KDM2B: variants seen among roughly 807,000 people sequenced by gnomAD.
The protein encoded by KDM2B is lysine demethylase 2B, also known as lysine-specific demethylase 2B.
In KDM2B, 26 loss-of-function variants were observed where a neutral mutation model predicts 150.0. The ratio of observed to expected loss-of-function variants is 0.17; its 90% CI spans 0.13 to 0.24. The LOEUF (loss-of-function observed/expected upper bound fraction) is 0.24, where lower values mean the gene tolerates loss of function less well. KDM2B is among the 10% of genes least tolerant of loss of function. The pLI is 1.00. For missense variants in KDM2B, 1,265 were observed against 1,816.9 expected (o/e 0.70, Z 5.52); for synonymous variants, 734 against 729.5 (o/e 1.01, Z -0.10).
intron 4 of KDM2B, among the ~76,000 whole-genome samples, chr12:121,566,596 G>C (rs1388554896): frequency 6.6e-6 from 1 of 151,926 alleles, no homozygotes; most frequent in African/African-American, 2.4e-5. Context: ...ACTCCAGCCC[G>C]GGCGACAAGC....
intron 11 of KDM2B, among the ~76,000 whole-genome samples, chr12:121,502,703 C>T (rs56205591): frequency 0.072 from 9,957 of 138,146 alleles, 367 homozygotes; most frequent in Middle Eastern, 0.12. Context: ...AGATGGATTG[C>T]TTGAGCCAAG....
chr12:121,473,733 A>AAG (rs1555296270), intron 12 of KDM2B, among the ~76,000 whole-genome samples: 4,501 of 149,790 alleles, frequency 0.03, 129 homozygotes, highest in East Asian at 0.12. Flanking sequence ...AAAAAAAAAA[A>AAG]AGAGAGAGAG....
chr12:121,433,158 G>A (rs1288256744), intron 22 of KDM2B: 1 of 456,560 alleles, frequency 2.2e-6, no homozygotes, highest in Non-Finnish European at 4.4e-6. Flanking sequence ...CTGGCTTGTG[G>A]TTCACATATT....
intron 12 of KDM2B, among the ~76,000 whole-genome samples, chr12:121,473,984 G>C (rs1555296316): frequency 6.6e-6 from 1 of 152,116 alleles, no homozygotes; most frequent in Non-Finnish European, 1.5e-5. Context: ...AGACACAAAA[G>C]TCCACATATT....
At chr12:121,446,264 G>A (rs887704149) in intron 13 of KDM2B, among the ~76,000 whole-genome samples, 2 of 152,118 alleles carry the variant, frequency 1.3e-5, no homozygotes, top group South Asian at 4.1e-4. Flanking sequence ...CGGGCGTGGT[G>A]GCGGGCGCCT....
At chr12:121,550,701 T>G (rs2142030003) in intron 4 of KDM2B, among the ~76,000 whole-genome samples, 1 of 151,862 alleles carries the variant, frequency 6.6e-6, no homozygotes, top group African/African-American at 2.4e-5. Context: ...GCCATGTTGG[T>G]CAGGCTGGTC....
intron 4 of KDM2B, among the ~76,000 whole-genome samples, chr12:121,554,857 C>G (rs28373517): frequency 0.63 from 95,234 of 152,110 alleles, 32,113 homozygotes; most frequent in African/African-American, 0.89. Flanking sequence ...AGAACATCTG[C>G]ATCTGGGATT....
At chr12:121,482,425 C>T (rs1593902069) in intron 12 of KDM2B, among the ~76,000 whole-genome samples, 1 of 152,224 alleles carries the variant, frequency 6.6e-6, no homozygotes, top group East Asian at 1.9e-4. Context: ...GCCTCAGCCT[C>T]CTGGGTAGCT....
At chr12:121,580,703 C>A in intron 1 of KDM2B, 83 bp downstream of exon 1, 2 of 1,463,306 alleles carry the variant, frequency 1.4e-6, no homozygotes, top group South Asian at 1.5e-5. Context: ...CCCCCAAAAA[C>A]GACCCCCCAC....
At chr12:121,502,422 G>A (rs1884650200) in intron 11 of KDM2B, among the ~76,000 whole-genome samples, 1 of 152,144 alleles carries the variant, frequency 6.6e-6, no homozygotes, top group Non-Finnish European at 1.5e-5. Flanking sequence ...AGGAGTTCGA[G>A]ACCAGCCTGG....
chr12:121,559,159 T>C (rs782351532), intron 4 of KDM2B, among the ~76,000 whole-genome samples: 38 of 152,170 alleles, frequency 2.5e-4, no homozygotes, highest in Non-Finnish European at 4.6e-4. Flanking sequence ...AGGGAAGGGC[T>C]GTGGGGAGCA....
intron 12 of KDM2B, among the ~76,000 whole-genome samples, chr12:121,476,847 G>T (rs576193829): frequency 1.2e-4 from 18 of 152,214 alleles, no homozygotes; most frequent in Admixed American, 7.2e-4. Flanking sequence ...GAAAAAGCCT[G>T]ACAAAATCTA....
intron 9 of KDM2B, among the ~76,000 whole-genome samples, chr12:121,515,527 G>A (rs1225224892): frequency 1.2e-4 from 6 of 49,308 alleles, no homozygotes; most frequent in Admixed American, 2.6e-4. Context: ...CACCCTCCCC[G>A]AATCACACTT....
chr12:121,446,566 G>A (rs1306288070), intron 13 of KDM2B, among the ~76,000 whole-genome samples: 6 of 152,210 alleles, frequency 3.9e-5, no homozygotes, highest in Non-Finnish European at 5.9e-5. Context: ...AAAAGCACTC[G>A]TGACTGAGCT....
chr12:121,445,091 GGGTCTCTGA>G, intron 14 of KDM2B, 175 bp downstream of exon 14: 1 of 621,810 alleles, frequency 1.6e-6, no homozygotes, highest in Middle Eastern at 4.1e-4. Context: ...TGATGACACT[GGGTCTCTGA>G]GGTACTCCAG....
chr12:121,477,004 A>T (rs918313156), intron 12 of KDM2B, among the ~76,000 whole-genome samples: 1 of 152,186 alleles, frequency 6.6e-6, no homozygotes, highest in Non-Finnish European at 1.5e-5. Flanking sequence ...TCTGCCAAAC[A>T]TCGCCAGCTA....
At chr12:121,567,537 G>A (rs782314185) in intron 4 of KDM2B, among the ~76,000 whole-genome samples, 9 of 151,974 alleles carry the variant, frequency 5.9e-5, no homozygotes, top group Non-Finnish European at 7.4e-5. Context: ...AGCAAGACCC[G>A]TCTCTACAAA....
rs1885207416 is a variant in KDM2B, at chr12:121,507,617, G to A, written c.1647+1950C>T. 2.6e-5 allele frequency among the ~76,000 whole-genome samples: 4 copies of A among 152,314 alleles called. No individual in the cohort carries two copies. In the East Asian group the frequency reaches 7.7e-4, roughly 29 times the overall value. The stretch of plus-strand genomic sequence containing the variant: ...GCCAATCAGGTAGGTAGAGGCGAGG[G>A]ATAGGAGGAGCCAAGTTTCATCCCT... On this transcript the variant is annotated intron_variant, in intron 11 of 22. Transcript: ENST00000377071.
chr12:121,517,070 G>A (rs1376718741), intron 9 of KDM2B, among the ~76,000 whole-genome samples: 3 of 152,102 alleles, frequency 2.0e-5, no homozygotes, highest in Non-Finnish European at 4.4e-5. Flanking sequence ...ATAAATATAA[G>A]AGAGATGGCA....
Sources: allele counts gnomAD v4.1 joint callset (sites outside exome capture counted in the v4.1 genomes callset), GRCh38; gene constraint gnomAD v4.1.1; transcripts MANE v1.5; gene names NCBI Gene and HGNC (gene_info 2026-07-23, HGNC 2026-07-21).